The following SYT9 variants were observed in gnomAD, a reference collection of about 807,000 sequenced individuals.
SYT9 encodes synaptotagmin-9.
A neutral mutation model predicts 48.4 loss-of-function variants in SYT9; 22 were observed. That is an observed-to-expected ratio of 0.45 (90% CI 0.32 to 0.65). SYT9 has a LOEUF of 0.65. Ranked by LOEUF, SYT9 falls within the 30% of genes least tolerant of loss-of-function variation. The pLI is 0.03. For synonymous variants in SYT9, 265 were observed against 245.0 expected, an observed-to-expected ratio of 1.08 and a Z score of -0.76; for missense variants, 577 against 622.0, an observed-to-expected ratio of 0.93 and a Z score of 0.77.
At position 7,285,368 on chromosome 11, in the gene SYT9, TC is replaced by T. The variant is rs1848577835; in HGVS notation, c.146-17669del. Among the ~76,000 whole-genome samples the T allele has an allele frequency of 3.3e-5, 5 of 152,156 alleles. No homozygotes were observed. In the South Asian group the frequency reaches 1.0e-3, roughly 32 times the overall value. ...AGTGCAGAGTAAAGCAAGAGAAAAG[TC>T]CTTTATAAAACCATCAGATCTTCTG... On this transcript the variant is annotated intron_variant, in intron 1 of 6. Transcript: ENST00000318881.
chr11:7,250,073 C>T (rs1189751261), upstream of SYT9, among the ~76,000 whole-genome samples: 1 of 152,158 alleles, frequency 6.6e-6, no homozygotes, highest in Non-Finnish European at 1.5e-5. Context: ...AACTCAGTTT[C>T]TACCTTTCCA....
chr11:7,328,766 C>T (rs1005587747), intron 3 of SYT9, among the ~76,000 whole-genome samples: 1 of 152,102 alleles, frequency 6.6e-6, no homozygotes, highest in African/African-American at 2.4e-5. Context: ...GAAATTCCTT[C>T]AGTTAAAGAT....
At chr11:7,330,765 T>C (rs1849513218) in intron 3 of SYT9, among the ~76,000 whole-genome samples, 1 of 152,162 alleles carries the variant, frequency 6.6e-6, no homozygotes, top group South Asian at 2.1e-4. Flanking sequence ...GGTGTGATCT[T>C]GGCTCACTGC....
chr11:7,271,523 A>T (rs901428168), intron 1 of SYT9, among the ~76,000 whole-genome samples: 4 of 152,166 alleles, frequency 2.6e-5, no homozygotes, highest in African/African-American at 9.6e-5. Flanking sequence ...TTTCAGTCCT[A>T]CATAGAATTT....
chr11:7,284,421 AT>A (rs1283582122), intron 1 of SYT9, among the ~76,000 whole-genome samples: 1 of 152,138 alleles, frequency 6.6e-6, no homozygotes, highest in Non-Finnish European at 1.5e-5. Flanking sequence ...TGGTATGTAA[AT>A]GTTGAGCCCT....
chr11:7,258,591 T>C (rs1848020991), intron 1 of SYT9, among the ~76,000 whole-genome samples: 1 of 152,114 alleles, frequency 6.6e-6, no homozygotes, highest in African/African-American at 2.4e-5. Context: ...GACATCAAGA[T>C]GACAAAGTGG....
At chr11:7,440,646 T>G (rs1229393768) in intron 6 of SYT9, 1 of 152,248 alleles carries the variant, frequency 6.6e-6, no homozygotes, top group Non-Finnish European at 1.5e-5. Context: ...TTTTCATTGC[T>G]TCTTCCTACT....
chr11:7,371,251 G>T (rs1589978831), intron 3 of SYT9, among the ~76,000 whole-genome samples: 1 of 151,794 alleles, frequency 6.6e-6, no homozygotes, highest in Admixed American at 6.6e-5. Context: ...AATAAATAGT[G>T]GTCTTGCTCT....
At position 7,447,285 on chromosome 11, in the gene SYT9, C is replaced by G. The variant is rs1249476709; in HGVS notation, c.1468-19507C>G. 2.6e-5 allele frequency among the ~76,000 whole-genome samples: 4 copies of G among 152,278 alleles called. No homozygotes were observed. The East Asian group carries it at 7.7e-4, about 29-fold the overall frequency. ...TTTCTCTCTGGCTCTCCGTGGCTTC[C>G]TTTTATAGGTTAGAACCCAAGTTCC... On this transcript the variant is annotated intron_variant, in intron 6 of 6. Coordinates refer to ENST00000318881, the MANE Select transcript of SYT9 (RefSeq NM_175733.4).
intron 3 of SYT9, among the ~76,000 whole-genome samples, chr11:7,347,755 C>G (rs7935197): frequency 0.31 from 47,844 of 152,062 alleles, 7,805 homozygotes; most frequent in Non-Finnish European, 0.36. Context: ...ATTTTGGTGT[C>G]TGCCAGATTG....
chr11:7,432,583 ATATAT>A (rs1847621007), intron 6 of SYT9, among the ~76,000 whole-genome samples: 3 of 2,904 alleles, frequency 1.0e-3, no homozygotes, highest in African/African-American at 4.0e-3. Flanking sequence ...AAAAAAAAAA[ATATAT>A]ATACATATAT....
chr11:7,251,129 CACA>C (rs1564835920), upstream of SYT9, among the ~76,000 whole-genome samples: 36 of 127,612 alleles, frequency 2.8e-4, no homozygotes, highest in South Asian at 1.3e-3. Context: ...CACACACACA[CACA>C]CCCAGAGTAC....
intron 1 of SYT9, among the ~76,000 whole-genome samples, chr11:7,254,957 C>G (rs192908805): frequency 1.6e-4 from 25 of 152,178 alleles, no homozygotes; most frequent in African/African-American, 5.8e-4. Context: ...GGGAGTACCG[C>G]ACCCAGATTT....
chr11:7,308,296 C>G (rs1207023185), intron 2 of SYT9, among the ~76,000 whole-genome samples: 1 of 152,178 alleles, frequency 6.6e-6, no homozygotes, highest in African/African-American at 2.4e-5. Context: ...GACACTGGTG[C>G]CCGAGAACCA....
At chr11:7,401,898 CTT>C (rs1467296160) in intron 3 of SYT9, among the ~76,000 whole-genome samples, 3 of 151,152 alleles carry the variant, frequency 2.0e-5, no homozygotes, top group Admixed American at 1.3e-4. Flanking sequence ...TTCATTTTCT[CTT>C]GTTTTTCATG....
At chr11:7,421,367 C>T (rs762274374) in intron 6 of SYT9, among the ~76,000 whole-genome samples, 11 of 152,186 alleles carry the variant, frequency 7.2e-5, no homozygotes, top group Non-Finnish European at 1.5e-4. Context: ...GCACACATTC[C>T]CTTTTTGATT....
chr11:7,407,870 T>C (rs1478715572), intron 3 of SYT9, among the ~76,000 whole-genome samples: 1 of 152,236 alleles, frequency 6.6e-6, no homozygotes, highest in East Asian at 1.9e-4. Flanking sequence ...CTATCTATCC[T>C]GTTCCATTTG....
intron 3 of SYT9, among the ~76,000 whole-genome samples, chr11:7,387,626 A>G (rs1850686434): frequency 6.6e-6 from 1 of 152,160 alleles, no homozygotes; most frequent in Non-Finnish European, 1.5e-5. Flanking sequence ...GATGTACCTT[A>G]TTCCTAACAT....
chr11:7,447,779 C>T (rs1460685647), intron 6 of SYT9, among the ~76,000 whole-genome samples: 1 of 152,168 alleles, frequency 6.6e-6, no homozygotes, highest in Non-Finnish European at 1.5e-5. Flanking sequence ...TATGAGTTCC[C>T]TGAGAACAGA....
Sources: gnomAD v4.1 joint callset for allele counts (sites outside exome capture counted in the v4.1 genomes callset) on GRCh38, gnomAD v4.1.1 for gene constraint, MANE v1.5 for transcripts, NCBI Gene and HGNC (gene_info 2026-07-23, HGNC 2026-07-21) for gene names.